Variants in ARHGAP17 observed in about 807,000 individuals in gnomAD.
The protein encoded by ARHGAP17 is rho GTPase-activating protein 17.
In ARHGAP17, 57 loss-of-function variants were observed where a neutral mutation model predicts 99.5. That is an observed-to-expected ratio of 0.57 (90% CI 0.46 to 0.71). The LOEUF is 0.71. Ranked by LOEUF, ARHGAP17 falls within the 30% of genes least tolerant of loss-of-function variation. The pLI is 0.00. For missense variants in ARHGAP17, 1,000 were observed against 1,122.4 expected (o/e 0.89, Z 1.56); for synonymous variants, 417 against 429.6 (o/e 0.97, Z 0.36).
At chr16:24,961,073 A>G (rs1260880113) in intron 7 of ARHGAP17, among the ~76,000 whole-genome samples, 1 of 151,816 alleles carries the variant, frequency 6.6e-6, no homozygotes, top group African/African-American at 2.4e-5. Flanking sequence ...CACGTTGGCC[A>G]GGCTGGTCTC....
At chr16:24,922,182 A>G (rs982021757) in intron 19 of ARHGAP17, among the ~76,000 whole-genome samples, 2 of 152,262 alleles carry the variant, frequency 1.3e-5, no homozygotes, top group African/African-American at 2.4e-5. Flanking sequence ...TTGGCCCCCA[A>G]AAACAGAAGG....
chr16:24,960,226 T>C (rs949369994), intron 7 of ARHGAP17, among the ~76,000 whole-genome samples: 19 of 152,168 alleles, frequency 1.2e-4, no homozygotes, highest in Admixed American at 2.6e-4. Flanking sequence ...GCATTACTTA[T>C]GGTGTATTAA....
chr16:24,963,872 T>C (rs1222456563), intron 7 of ARHGAP17, among the ~76,000 whole-genome samples: 2 of 152,248 alleles, frequency 1.3e-5, no homozygotes, highest in Non-Finnish European at 2.9e-5. Context: ...TTCTTTTTTC[T>C]TACTTTTGTA....
chr16:24,962,983 T>C (rs867734349), intron 7 of ARHGAP17, among the ~76,000 whole-genome samples: 6 of 152,184 alleles, frequency 3.9e-5, no homozygotes, highest in Non-Finnish European at 5.9e-5. Flanking sequence ...GCAGAAAATA[T>C]TTTCTTAAGT....
intron 15 of ARHGAP17, 47 bp downstream of exon 15, chr16:24,943,724 G>A (rs1202990715): frequency 2.2e-5 from 34 of 1,528,188 alleles, no homozygotes; most frequent in African/African-American, 9.6e-5. Context: ...CTTTTTGTAC[G>A]ATTATCACAT....
chr16:24,978,614 G>C (rs939748274), intron 2 of ARHGAP17, among the ~76,000 whole-genome samples: 17 of 152,110 alleles, frequency 1.1e-4, no homozygotes, highest in Admixed American at 1.0e-3. Flanking sequence ...CGTTCCCAGT[G>C]CTGTTCCTGC....
At chr16:24,985,920 C>T (rs541109673) in intron 1 of ARHGAP17, among the ~76,000 whole-genome samples, 2 of 152,244 alleles carry the variant, frequency 1.3e-5, no homozygotes, top group East Asian at 3.9e-4. Context: ...TACAGATGTA[C>T]AACTCCACCA....
chr16:25,015,097 G>A (rs2053749350), intron 1 of ARHGAP17, 112 bp downstream of exon 1: 3 of 1,059,410 alleles, frequency 2.8e-6, no homozygotes, highest in Non-Finnish European at 3.5e-6. Flanking sequence ...CTCGGGCAGG[G>A]GCTGCGGCCC....
intron 3 of ARHGAP17, among the ~76,000 whole-genome samples, chr16:24,975,144 C>T (rs1227645061): frequency 1.3e-5 from 2 of 152,146 alleles, no homozygotes; most frequent in Admixed American, 6.5e-5. Flanking sequence ...CAGAGTGAGA[C>T]CCTGTCTTGA....
chr16:24,977,429 T>C (rs1020449529), intron 2 of ARHGAP17, 110 bp from the exon 3 acceptor site: 5 of 842,148 alleles, frequency 5.9e-6, no homozygotes, highest in African/African-American at 5.1e-5. Context: ...AGGGATGATC[T>C]TGGCTACACC....
chr16:24,923,966 T>C (rs976994706), intron 19 of ARHGAP17, among the ~76,000 whole-genome samples: 1 of 152,188 alleles, frequency 6.6e-6, no homozygotes, highest in African/African-American at 2.4e-5. Context: ...TTCAACAATT[T>C]TGAATATGTG....
intron 6 of ARHGAP17, among the ~76,000 whole-genome samples, chr16:24,964,529 G>T (rs1239831581): frequency 1.3e-5 from 2 of 152,210 alleles, no homozygotes; most frequent in African/African-American, 4.8e-5. Flanking sequence ...ATAGTGCTAG[G>T]AGTAGTGGTC....
rs1402941781 is a variant in ARHGAP17 at position 24,943,820 on chromosome 16, A to C, written c.1284T>G (p.Val428=). The change falls in exon 15 of 20, where the codon GTT becomes GTG. Residue 428 remains valine, a synonymous_variant. Coordinates refer to ENST00000289968, the MANE Select transcript of ARHGAP17 (RefSeq NM_001006634.3). ...EMAAATSVHV[V]AVIEPIIQHA... ...GCTGAATGATGGGTTCAATCACTGCAACCACATGGACGGATGTGGCTGCTG... is the reference window on the plus strand; with the variant it reads ...GCTGAATGATGGGTTCAATCACTGCCACCACATGGACGGATGTGGCTGCTG... The C allele has an allele frequency of 4.3e-6, 7 of 1,614,106 alleles. No individual in the cohort carries two copies. The highest frequency in any genetic ancestry group is 5.1e-6 in the Non-Finnish European group (6 of 1,180,040).
At chr16:24,985,749 C>T (rs2141398411) in intron 1 of ARHGAP17, among the ~76,000 whole-genome samples, 1 of 152,292 alleles carries the variant, frequency 6.6e-6, no homozygotes, top group Middle Eastern at 3.4e-3. Flanking sequence ...ATTCTGCCTA[C>T]TTCAGGTCCA....
Position 24,996,913 on chromosome 16 carries a change from C to CAA in ARHGAP17, c.54-17910_54-17909dup, listed in dbSNP as rs35821047. Among the ~76,000 whole-genome samples, 242 of 142,390 alleles carry CAA rather than the reference C, an allele frequency of 1.7e-3. 2 individuals carry two copies. The Middle Eastern group carries it at 0.028, about 17-fold the overall frequency. 93.4% of individuals were successfully genotyped at this position (142,390 alleles called of 152,430 possible). ...CAAGCCTGGGCAACATAGGGACAAC[C>CAA]AAAAAAAAAAAAATGGTTTTTGTTC... On this transcript the variant is annotated intron_variant, in intron 1 of 19. Coordinates refer to ENST00000289968, the MANE Select transcript of ARHGAP17 (RefSeq NM_001006634.3).
chr16:25,001,866 C>T (rs931193657), intron 1 of ARHGAP17, among the ~76,000 whole-genome samples: 1 of 152,122 alleles, frequency 6.6e-6, no homozygotes, highest in Non-Finnish European at 1.5e-5. Flanking sequence ...GGAGGATCAC[C>T]TGAGGTCAGG....
At chr16:25,009,837 G>A (rs2053597955) in intron 1 of ARHGAP17, among the ~76,000 whole-genome samples, 1 of 152,122 alleles carries the variant, frequency 6.6e-6, no homozygotes, top group South Asian at 2.1e-4. Context: ...TCACCTCAGA[G>A]GGTGGCTATG....
chr16:24,939,194 G>A (rs1287368988), intron 17 of ARHGAP17, among the ~76,000 whole-genome samples, 170 bp downstream of exon 17: 1 of 152,202 alleles, frequency 6.6e-6, no homozygotes, highest in Non-Finnish European at 1.5e-5. Context: ...AAAGAAGCGA[G>A]CCATTCATAG....
chr16:24,921,292 G>A (rs2050713518), intron 19 of ARHGAP17, among the ~76,000 whole-genome samples: 1 of 152,220 alleles, frequency 6.6e-6, no homozygotes, highest in South Asian at 2.1e-4. Context: ...GCCTCATTAG[G>A]TATTTTAGGG....
Sources: gnomAD v4.1 joint callset for allele counts (sites outside exome capture counted in the v4.1 genomes callset) on GRCh38, gnomAD v4.1.1 for gene constraint, MANE v1.5 for transcripts, NCBI Gene and HGNC (gene_info 2026-07-23, HGNC 2026-07-21) for gene names.